The following KLF3 variants were observed in gnomAD, a reference collection of about 807,000 sequenced individuals.
The protein encoded by KLF3 is KLF transcription factor 3, also known as Krueppel-like factor 3.
A neutral mutation model predicts 32.7 loss-of-function variants in KLF3; 6 were observed. The ratio of observed to expected loss-of-function variants is 0.18; its 90% CI spans 0.10 to 0.36. The LOEUF (loss-of-function observed/expected upper bound fraction) is 0.36, where lower values mean the gene tolerates loss of function less well. KLF3 is among the 10% of genes least tolerant of loss of function. The pLI, the probability that KLF3 is intolerant of heterozygous loss-of-function variation, is 1.00. For missense variants in KLF3, 338 were observed against 449.7 expected (o/e 0.75, Z 2.25); for synonymous variants, 145 against 172.8 (o/e 0.84, Z 1.26).
In KLF3 at chr4:38,689,714, A is replaced by AT; in HGVS notation, c.545-10dup. On this transcript the variant is annotated splice_polypyrimidine_tract_variant and intron_variant, in intron 3 of 5. Coordinates refer to ENST00000261438, the MANE Select transcript of KLF3 (RefSeq NM_016531.6). ...AAACTGTACGTGAAGTGACTTTTCTATTTTTATTTTTTAGTACCTGTAATT... is the reference window on the plus strand; with the variant it reads ...AAACTGTACGTGAAGTGACTTTTCTATTTTTTATTTTTTAGTACCTGTAATT... 1 of 1,563,140 alleles carries AT rather than the reference A, an allele frequency of 6.4e-7. No individual in the cohort carries two copies. Among genetic ancestry groups the AT allele is most frequent in the East Asian group, 2.2e-5 (1 of 44,680 alleles).
chr4:38,689,851 G>T lies in KLF3; in HGVS notation c.667G>T (p.Val223Leu). The T allele has an allele frequency of 6.2e-7, 1 of 1,604,172 alleles. No individual in the cohort carries two copies. The change falls in exon 4 of 6, where the codon GTG becomes TTG. Residue 223 changes from valine to leucine, a missense_variant. By Grantham distance (32) the Val-to-Leu change is conservative (BLOSUM62 1). Around this residue, in one of 2 missense-constraint regions of KLF3, gnomAD observed 272 missense variants for 313.4 expected, o/e 0.87. Transcript: ENST00000261438. ...AATGTCACCCCCCTTAATGAACTCA[G>T]TGTCCCCCCCGCAAGCATTGTTGCA... is the stretch of plus-strand genomic sequence containing the variant. Reference protein sequence around the residue: ...EEMSPPLMNSVSPPQALLQEN... With the variant: ...EEMSPPLMNSLSPPQALLQEN...
rs1721916622 is a variant in KLF3, at chr4:38,664,346, G to A, written c.-155G>A. 6.6e-6 allele frequency: 1 copy of A among 152,146 alleles called. No individual in the cohort carries two copies. Among genetic ancestry groups the A allele is most frequent in the East Asian group, 2.0e-4 (1 of 5,128 alleles). The allele number at this position is 152,146 out of a possible 1,614,324, so 9.4% of individuals were successfully genotyped here. A position where few individuals can be genotyped will look rare whatever the true frequency, so the allele number is the denominator to read the frequency against. ...ACGCGCGCCCGTCCCCGTCCCCTGC[G>A]GCCGCCAACGCCGCCCGGACTGGAG... On this transcript the variant is annotated 5_prime_UTR_variant, in exon 1 of 6. Transcript: ENST00000261438.
intron 1 of KLF3, among the ~76,000 whole-genome samples, chr4:38,675,038 C>T (rs1175766810): frequency 3.3e-5 from 5 of 152,220 alleles, no homozygotes; most frequent in Non-Finnish European, 5.9e-5. Flanking sequence ...TCTCAGACAC[C>T]ACTGGATAGG....
intron 1 of KLF3, among the ~76,000 whole-genome samples, chr4:38,679,196 T>C (rs933330420): frequency 6.6e-6 from 1 of 152,162 alleles, no homozygotes; most frequent in African/African-American, 2.4e-5. Context: ...ATTCTTCATA[T>C]GTGAAAAGTG....
Position 38,697,546 on chromosome 4 carries a change from G to A in KLF3, c.*283G>A, listed in dbSNP as rs1029298075. On this transcript the variant is annotated 3_prime_UTR_variant, in exon 6 of 6. Transcript: ENST00000261438. ...CTTACAGATACGTTTAATGTAATAA[G>A]AACAAGGGAACATGTAAACTAACAT... is the stretch of plus-strand genomic sequence containing the variant. The A allele has an allele frequency of 3.2e-6, 1 of 310,736 alleles. No individual in the cohort carries two copies. The highest frequency in any genetic ancestry group is 4.6e-5 in the Admixed American group (1 of 21,912). The allele number at this position is 310,736 out of a possible 1,614,324, so 19.2% of individuals were successfully genotyped here.
chr4:38,673,387 C>T (rs1016625802), intron 1 of KLF3, among the ~76,000 whole-genome samples: 3 of 152,206 alleles, frequency 2.0e-5, no homozygotes, highest in Non-Finnish European at 2.9e-5. Context: ...TGTGGCCTCA[C>T]GCAGCCCTTC....
intron 1 of KLF3, among the ~76,000 whole-genome samples, chr4:38,676,333 C>G (rs1722348713): frequency 6.6e-6 from 1 of 152,130 alleles, no homozygotes; most frequent in African/African-American, 2.4e-5. Flanking sequence ...CCCAGCTACT[C>G]TGGAGGCTGA....
chr4:38,692,633 G>C (rs557089154), intron 4 of KLF3, among the ~76,000 whole-genome samples: 3 of 152,174 alleles, frequency 2.0e-5, no homozygotes, highest in African/African-American at 7.2e-5. Flanking sequence ...GGATCACAGA[G>C]ACTGTCAGTG....
At chr4:38,669,648 T>G (rs1722140360) in intron 1 of KLF3, among the ~76,000 whole-genome samples, 3 of 152,056 alleles carry the variant, frequency 2.0e-5, no homozygotes, top group African/African-American at 7.2e-5. Context: ...ATTTCAGCAC[T>G]TTGGGAGGCC....
Position 38,688,508 on chromosome 4 carries a change from C to A in KLF3, c.58-77C>A. 2.2e-6 allele frequency: 3 copies of A among 1,387,230 alleles called. No homozygotes were observed. Among genetic ancestry groups the A allele is most frequent in the South Asian group, 1.4e-5 (1 of 71,542 alleles). The allele number at this position is 1,387,230 out of a possible 1,614,324, so 85.9% of individuals were successfully genotyped here. A position where few individuals can be genotyped will look rare whatever the true frequency, so the allele number is the denominator to read the frequency against. ...ATGTAATTGTTAAGTGCCTTGTTAG[C>A]ATATTTTTCTTAATTCATGTTTCAA... On this transcript the variant is annotated intron_variant, in intron 2 of 5. Coordinates refer to ENST00000261438, the MANE Select transcript of KLF3 (RefSeq NM_016531.6). This position sits in a 1 kb window ranked among gnomAD's most constrained non-coding sequence, Gnocchi z 4.9.
intron 4 of KLF3, among the ~76,000 whole-genome samples, chr4:38,691,637 T>C (rs1253226702): frequency 2.0e-5 from 3 of 152,254 alleles, no homozygotes; most frequent in Non-Finnish European, 4.4e-5. Flanking sequence ...TTATTTTAAG[T>C]AATATTCTTT....
chr4:38,674,414 C>T lies in KLF3; in HGVS notation c.-39-6173C>T, dbSNP rs1396129832. Among the ~76,000 whole-genome samples, 2 of 150,702 alleles carry T rather than the reference C, an allele frequency of 1.3e-5. No homozygotes were observed. The highest frequency in any genetic ancestry group is 1.9e-4 in the East Asian group (1 of 5,160). ...CCAGTTTTCCTAGCCAAGAATTACA[C>T]ACACACATGCACACACCGCCTTTTT... is the stretch of plus-strand genomic sequence containing the variant. On this transcript the variant is annotated intron_variant, in intron 1 of 5. Transcript: ENST00000261438. The surrounding 1 kb of genome is among the most constrained non-coding windows in gnomAD (Gnocchi z 4.1).
intron 2 of KLF3, among the ~76,000 whole-genome samples, chr4:38,686,714 A>G (rs1015685047): frequency 2.6e-5 from 4 of 152,140 alleles, no homozygotes; most frequent in Non-Finnish European, 4.4e-5. Flanking sequence ...ACAAGAAGGG[A>G]TTTCCAGGAT....
intron 1 of KLF3, chr4:38,664,939 C>G (rs540485051): frequency 6.6e-6 from 1 of 150,460 alleles, no homozygotes; most frequent in Non-Finnish European, 1.5e-5. Context: ...CCGGTGCCCC[C>G]CCACCACCAC....
chr4:38,690,155 T>G (rs1047462677), intron 4 of KLF3: 9 of 387,330 alleles, frequency 2.3e-5, no homozygotes, highest in Admixed American at 4.3e-5. Context: ...ATTATTTTTG[T>G]TTTTTTTCCA....
Position 38,689,007 on chromosome 4 carries a change from C to T in KLF3, c.480C>T (p.His160=), listed in dbSNP as rs527946421. Residue 160 remains histidine, a synonymous_variant, in exon 3 of 6, where the codon CAC becomes CAT. Coordinates refer to ENST00000261438, the MANE Select transcript of KLF3 (RefSeq NM_016531.6). ...VQPVPFMYTS[H]LQQPLMVSLS... ...CCGTCCCCTTTATGTACACAAGTCA[C>T]CTCCAGCAGCCTCTCATGGTCTCCT... The T allele has an allele frequency of 5.9e-5, 95 of 1,614,230 alleles. 1 individual carries two copies. In the East Asian group the frequency reaches 1.7e-3, roughly 29 times the overall value.
chr4:38,679,210 A>G (rs1722444696), intron 1 of KLF3, among the ~76,000 whole-genome samples: 2 of 152,262 alleles, frequency 1.3e-5, no homozygotes, highest in East Asian at 3.8e-4. Flanking sequence ...AAAAGTGCTT[A>G]GAAAACAATA....
intron 1 of KLF3, among the ~76,000 whole-genome samples, chr4:38,675,202 G>A (rs1722306648): frequency 6.6e-6 from 1 of 152,178 alleles, no homozygotes; most frequent in African/African-American, 2.4e-5. Context: ...GAGCATGAAG[G>A]GAAATCTGTT....
At position 38,693,117 on chromosome 4, in the gene KLF3, CAT is replaced by C. The variant is rs3841982; in HGVS notation, c.696-1619_696-1618del. 7.2e-3 allele frequency among the ~76,000 whole-genome samples: 992 copies of C among 137,970 alleles called. 10 individuals are homozygous for C. The highest frequency in any genetic ancestry group is 0.024 in the African/African-American group (900 of 37,492). 90.5% of individuals were successfully genotyped at this position (137,970 alleles called of 152,430 possible). A position where few individuals can be genotyped will look rare whatever the true frequency, so the allele number is the denominator to read the frequency against. ...GTATATATATATGTACATATATATACATATATATATACGTGTATATATATGTG... is the reference window on the plus strand; with the variant it reads ...GTATATATATATGTACATATATATACATATATATACGTGTATATATATGTG... On this transcript the variant is annotated intron_variant, in intron 4 of 5. Transcript: ENST00000261438.
Sources: gnomAD v4.1 joint callset for allele counts (sites outside exome capture counted in the v4.1 genomes callset) on GRCh38, gnomAD v4.1.1 for gene constraint, gnomAD v4.1.1 regional missense constraint, Gnocchi (gnomAD v3.1) non-coding constraint, MANE v1.5 for transcripts, NCBI Gene and HGNC (gene_info 2026-07-23, HGNC 2026-07-21) for gene names.